The following CSTF3 variants were observed in gnomAD, a reference collection of about 807,000 sequenced individuals.
CSTF3 encodes the protein cleavage stimulation factor subunit 3.
Under a neutral mutation model 105.8 loss-of-function variants are expected in CSTF3, and 29 were observed. That is an observed-to-expected ratio of 0.27 (90% CI 0.20 to 0.37). The LOEUF is 0.37. Ranked by LOEUF, CSTF3 falls within the 10% of genes least tolerant of loss-of-function variation. The probability of loss-of-function intolerance (pLI) is 1.00; values close to 1 mark genes in which losing one functional copy is unlikely to be tolerated. For missense variants in CSTF3, 357 were observed against 879.3 expected (o/e 0.41, Z 7.51); for synonymous variants, 252 against 281.9 (o/e 0.89, Z 1.06).
intron 1 of CSTF3, among the ~76,000 whole-genome samples, chr11:33,143,040 G>A (rs941594595): frequency 6.6e-6 from 1 of 152,156 alleles, no homozygotes. Context: ...AAACACTGCT[G>A]TTAAAGCATT....
At chr11:33,152,519 G>A (rs1047746086) in intron 1 of CSTF3, among the ~76,000 whole-genome samples, 2 of 152,184 alleles carry the variant, frequency 1.3e-5, no homozygotes, top group East Asian at 3.8e-4. Context: ...TCTGTGGGAT[G>A]CCTTGCCACT....
rs577974736 is a variant in CSTF3, at chr11:33,158,176, T to C, written c.27+3123A>G. ...TATATTATACTGTTTTTCTTACATG[T>C]TTGAAATGTATTATTAAAAAGTTAA... On this transcript the variant is annotated intron_variant, in intron 1 of 20. Coordinates refer to ENST00000323959, the MANE Select transcript of CSTF3 (RefSeq NM_001326.3). 7.9e-5 allele frequency among the ~76,000 whole-genome samples: 12 copies of C among 152,276 alleles called. No individual in the cohort carries two copies. The South Asian group carries it at 2.5e-3, about 32-fold the overall frequency.
intron 1 of CSTF3, among the ~76,000 whole-genome samples, chr11:33,147,779 GA>G (rs1855803080): frequency 6.6e-6 from 1 of 152,090 alleles, no homozygotes; most frequent in South Asian, 2.1e-4. Flanking sequence ...AATGCCAGGG[GA>G]TGGGATAGAC....
intron 3 of CSTF3, 99 bp from the exon 4 acceptor site, chr11:33,108,517 AT>A (rs1855348566): frequency 1.2e-6 from 1 of 848,114 alleles, no homozygotes; most frequent in Non-Finnish European, 1.6e-6. Flanking sequence ...ATTCATCCCT[AT>A]AGTTTCTTAT....
intron 15 of CSTF3, among the ~76,000 whole-genome samples, chr11:33,095,832 A>AT (rs1393200725): frequency 2.7e-5 from 4 of 149,746 alleles, no homozygotes; most frequent in African/African-American, 9.8e-5. Flanking sequence ...ATAAATAAAT[A>AT]AATAAATAAA....
chr11:33,085,999 A>AAAG lies in CSTF3; in HGVS notation c.1796-13_1796-11dup. On this transcript the variant is annotated splice_polypyrimidine_tract_variant and intron_variant, in intron 18 of 20. Transcript: ENST00000323959. ...GGGTGTAAACCTGGAGCTGTGAGAA[A>AAAG]AAGAAAAGTATGAATCAAGTGGAAT... is the stretch of plus-strand genomic sequence containing the variant. 6.8e-7 allele frequency: 1 copy of AAAG among 1,461,186 alleles called. No individual in the cohort carries two copies. The highest frequency in any genetic ancestry group is 1.4e-5 in the African/African-American group (1 of 70,394). 90.5% of individuals were successfully genotyped at this position (1,461,186 alleles called of 1,614,324 possible). A position where few individuals can be genotyped will look rare whatever the true frequency, so the allele number is the denominator to read the frequency against.
chr11:33,102,570 A>G (rs1855290893), intron 9 of CSTF3, among the ~76,000 whole-genome samples: 1 of 152,202 alleles, frequency 6.6e-6, no homozygotes, highest in Non-Finnish European at 1.5e-5. Context: ...CCTCTCTGTA[A>G]GTGATCTAGG....
chr11:33,089,667 A>T (rs2133768535), intron 17 of CSTF3, among the ~76,000 whole-genome samples: 1 of 152,338 alleles, frequency 6.6e-6, no homozygotes, highest in African/African-American at 2.4e-5. Flanking sequence ...ATGTCTGAAT[A>T]TCAATTATGG....
chr11:33,143,464 T>C (rs1418724838), intron 1 of CSTF3, among the ~76,000 whole-genome samples: 2 of 152,178 alleles, frequency 1.3e-5, no homozygotes, highest in African/African-American at 2.4e-5. Context: ...TGTTAATTTA[T>C]ACAGGCCAGG....
At chr11:33,123,988 CAT>C (rs1395380150) in intron 3 of CSTF3, among the ~76,000 whole-genome samples, 11 of 152,002 alleles carry the variant, frequency 7.2e-5, no homozygotes, top group African/African-American at 2.7e-4. Flanking sequence ...CATTTAAACA[CAT>C]ATCTATATTT....
chr11:33,111,961 T>C (rs1289051378), intron 3 of CSTF3, among the ~76,000 whole-genome samples: 1 of 152,136 alleles, frequency 6.6e-6, no homozygotes, highest in Admixed American at 6.6e-5. Context: ...AAAATACTTT[T>C]AAAAATCATT....
At chr11:33,107,787 A>G (rs1187632519) in intron 5 of CSTF3, 116 bp downstream of exon 5, 22 of 591,900 alleles carry the variant, frequency 3.7e-5, no homozygotes, top group Non-Finnish European at 5.8e-5. Context: ...GGAAATCCTG[A>G]CTTTTCAAAT....
chr11:33,129,937 ACT>A (rs1441485698), intron 3 of CSTF3, among the ~76,000 whole-genome samples: 1 of 152,238 alleles, frequency 6.6e-6, no homozygotes, highest in Non-Finnish European at 1.5e-5. Flanking sequence ...ACATGAAGAT[ACT>A]TGAGTTTTCA....
At chr11:33,132,853 A>G (rs1240865445) in intron 3 of CSTF3, among the ~76,000 whole-genome samples, 3 of 152,150 alleles carry the variant, frequency 2.0e-5, no homozygotes, top group African/African-American at 7.2e-5. Context: ...TATTTTTAAA[A>G]TATCTAAATT....
At chr11:33,117,085 T>C (rs1855437869) in intron 3 of CSTF3, among the ~76,000 whole-genome samples, 1 of 151,972 alleles carries the variant, frequency 6.6e-6, no homozygotes, top group African/African-American at 2.4e-5. Flanking sequence ...GAATTAAAGA[T>C]GCATATTTGT....
intron 3 of CSTF3, among the ~76,000 whole-genome samples, chr11:33,121,910 T>TA (rs1304652523): frequency 6.6e-6 from 1 of 152,012 alleles, no homozygotes; most frequent in East Asian, 1.9e-4. Context: ...ATGTAAGAAA[T>TA]AAAAAAATTA....
At chr11:33,153,436 G>A (rs956678835) in intron 1 of CSTF3, among the ~76,000 whole-genome samples, 2 of 152,050 alleles carry the variant, frequency 1.3e-5, no homozygotes, top group Non-Finnish European at 2.9e-5. Context: ...GGGAAGGTGG[G>A]ATGTGAAGAG....
In CSTF3 at chr11:33,093,631, AT is replaced by A. The variant is rs936011511; in HGVS notation, c.1376-1292del. ...ATGAAAAATTGTTAAGATAGTTTAC[AT>A]TTTTTTTTGTACTAAGTCTTTGAAA... On this transcript the variant is annotated intron_variant, in intron 15 of 20. Transcript: ENST00000323959. 2.6e-3 allele frequency among the ~76,000 whole-genome samples: 392 copies of A among 151,504 alleles called. 2 individuals are homozygous for A. Among genetic ancestry groups the A allele is most frequent in the African/African-American group, 9.1e-3 (376 of 41,320 alleles).
intron 3 of CSTF3, among the ~76,000 whole-genome samples, chr11:33,120,941 T>C (rs1052299217): frequency 2.0e-5 from 3 of 152,046 alleles, no homozygotes; most frequent in African/African-American, 7.2e-5. Context: ...GTGCTAAGTA[T>C]AATACTATCA....
Sources: gnomAD v4.1 joint callset for allele counts (sites outside exome capture counted in the v4.1 genomes callset) on GRCh38, gnomAD v4.1.1 for gene constraint, MANE v1.5 for transcripts, NCBI Gene and HGNC (gene_info 2026-07-23, HGNC 2026-07-21) for gene names.